Variants in KCNC2 observed in about 807,000 individuals in gnomAD.
KCNC2 encodes the protein potassium voltage-gated channel subfamily C member 2.
In KCNC2, 21 loss-of-function variants were observed where a neutral mutation model predicts 44.5. The ratio of observed to expected loss-of-function variants is 0.47; its 90% CI spans 0.33 to 0.68. The LOEUF is 0.68. KCNC2 is among the 30% of genes least tolerant of loss of function. KCNC2 has a pLI of 0.01. For synonymous variants in KCNC2, 391 were observed against 339.1 expected, an observed-to-expected ratio of 1.15 and a Z score of -1.68; for missense variants, 589 against 826.2, an observed-to-expected ratio of 0.71 and a Z score of 3.52.
intron 2 of KCNC2, among the ~76,000 whole-genome samples, chr12:75,202,189 C>T (rs1045676234): frequency 6.6e-6 from 1 of 151,802 alleles, no homozygotes; most frequent in Admixed American, 6.6e-5. Context: ...TACAAGTGAG[C>T]TCTTAGCAAA....
intron 2 of KCNC2, among the ~76,000 whole-genome samples, chr12:75,106,260 G>C (rs1020109820): frequency 6.6e-6 from 1 of 152,196 alleles, no homozygotes; most frequent in African/African-American, 2.4e-5. Flanking sequence ...TTAGAAACCA[G>C]AGAGTGGTGG....
chr12:75,122,248 A>G (rs1888096957), intron 2 of KCNC2, among the ~76,000 whole-genome samples: 2 of 152,208 alleles, frequency 1.3e-5, no homozygotes, highest in Admixed American at 1.3e-4. Context: ...TGTACCAGGC[A>G]TGACAGGAGG....
intron 2 of KCNC2, among the ~76,000 whole-genome samples, chr12:75,183,480 A>G (rs748161816): frequency 6.6e-6 from 1 of 152,252 alleles, no homozygotes; most frequent in Non-Finnish European, 1.5e-5. Flanking sequence ...AAACAAAATT[A>G]TCAACCATAT....
At chr12:75,099,608 T>C (rs984251314) in intron 2 of KCNC2, among the ~76,000 whole-genome samples, 14 of 152,168 alleles carry the variant, frequency 9.2e-5, no homozygotes, top group Admixed American at 3.9e-4. Context: ...CAATACTGAT[T>C]CAATCTTATG....
chr12:75,101,524 C>T (rs1029310463), intron 2 of KCNC2, among the ~76,000 whole-genome samples: 4 of 152,044 alleles, frequency 2.6e-5, no homozygotes, highest in Admixed American at 2.6e-4. Flanking sequence ...AGTGCAAGAG[C>T]ATAAAGAAAC....
intron 2 of KCNC2, among the ~76,000 whole-genome samples, chr12:75,206,657 T>C (rs1469490932): frequency 6.6e-6 from 1 of 152,184 alleles, no homozygotes; most frequent in Non-Finnish European, 1.5e-5. Flanking sequence ...GTAAGTGGGC[T>C]CTCTGGTCAA....
chr12:75,132,483 T>C (rs1888923535), intron 2 of KCNC2, among the ~76,000 whole-genome samples: 2 of 152,286 alleles, frequency 1.3e-5, no homozygotes, highest in African/African-American at 4.8e-5. Context: ...TATTTTTGTA[T>C]GCTTGACAAT....
intron 2 of KCNC2, among the ~76,000 whole-genome samples, chr12:75,120,073 T>G (rs1350321744): frequency 1.3e-5 from 2 of 152,206 alleles, no homozygotes; most frequent in Admixed American, 6.5e-5. Context: ...AGACTGGGGA[T>G]TCAAATGCAA....
intron 2 of KCNC2, among the ~76,000 whole-genome samples, chr12:75,130,277 G>T (rs1429029568): frequency 6.6e-6 from 1 of 151,946 alleles, no homozygotes; most frequent in Non-Finnish European, 1.5e-5. Flanking sequence ...CCTCCATTAG[G>T]TCTGTCTCCT....
At chr12:75,079,146 A>C (rs549134502) in intron 2 of KCNC2, among the ~76,000 whole-genome samples, 1 of 152,212 alleles carries the variant, frequency 6.6e-6, no homozygotes, top group East Asian at 1.9e-4. Context: ...TTAGAAGAAA[A>C]TTTTGTGGTG....
At position 75,040,995 on chromosome 12, in the gene KCNC2, C is replaced by G; in HGVS notation, c.*2110G>C. 3 of 824,688 alleles carry G rather than the reference C, an allele frequency of 3.6e-6. No homozygotes were observed. The highest frequency in any genetic ancestry group is 3.0e-5 in the South Asian group (2 of 67,762). The allele number at this position is 824,688 out of a possible 1,614,324, so 51.1% of individuals were successfully genotyped here. ...CACTGGCCAGTCTACAAGCAGAGCA[C>G]TCTCATGGGGAGCACCAGATGAGTT... On this transcript the variant is annotated 3_prime_UTR_variant, in exon 5 of 5. Transcript: ENST00000549446.
intron 2 of KCNC2, among the ~76,000 whole-genome samples, chr12:75,156,676 C>T (rs548379903): frequency 6.6e-6 from 1 of 151,884 alleles, no homozygotes; most frequent in East Asian, 1.9e-4. Flanking sequence ...CTATCTAAAG[C>T]ACTTAACCTA....
rs1880747027 is a variant in KCNC2 at position 75,048,194 on chromosome 12, G to A, written c.1739C>T (p.Thr580Ile). The A allele has an allele frequency of 1.2e-6, 2 of 1,612,918 alleles. No homozygotes were observed. The highest frequency in any genetic ancestry group is 1.7e-6 in the Non-Finnish European group (2 of 1,179,360). The change falls in exon 4 of 5, where the codon ACA becomes ATA. Residue 580 changes from threonine to isoleucine, a missense_variant. Coordinates refer to ENST00000549446, the MANE Select transcript of KCNC2 (RefSeq NM_139137.4). ...RRGETCFLLT[T>I]GDYTCASDGG... Reference sequence around the variant, plus strand: ...ATCAGAAGCACACGTGTAATCACCTGTCGTCAGTAGGAAACATGTTTCCCC... The same window carrying A: ...ATCAGAAGCACACGTGTAATCACCTATCGTCAGTAGGAAACATGTTTCCCC...
Position 75,114,016 on chromosome 12 carries a change from A to AT in KCNC2, c.688-62700dup, listed in dbSNP as rs1471990947. ...CATATATACACACACACACATTGTT[A>AT]TTGAAAGTTTAATGTCATAGACCAT... On this transcript the variant is annotated intron_variant, in intron 2 of 4. Transcript: ENST00000549446. Among the ~76,000 whole-genome samples the AT allele has an allele frequency of 5.3e-5, 8 of 152,354 alleles. No homozygotes were observed. In the South Asian group the frequency reaches 1.4e-3, roughly 28 times the overall value.
Position 75,042,404 on chromosome 12 carries a change from A to C in KCNC2, c.*701T>G. ...GTGCAAACAACCAGAGACATTCAGA[A>C]CTCCAATACAGCATTTTTGAAGAAA... On this transcript the variant is annotated 3_prime_UTR_variant, in exon 5 of 5. Transcript: ENST00000549446. 1 of 1,600,292 alleles carries C rather than the reference A, an allele frequency of 6.2e-7. No homozygotes were observed. The highest frequency in any genetic ancestry group is 8.5e-7 in the Non-Finnish European group (1 of 1,172,848).
At chr12:75,078,757 G>A (rs1034305392) in intron 2 of KCNC2, among the ~76,000 whole-genome samples, 37 of 152,122 alleles carry the variant, frequency 2.4e-4, no homozygotes, top group African/African-American at 7.5e-4. Context: ...GTGAATTTGA[G>A]AAGGAAAATA....
At chr12:75,098,545 G>A (rs930994151) in intron 2 of KCNC2, among the ~76,000 whole-genome samples, 10 of 152,060 alleles carry the variant, frequency 6.6e-5, no homozygotes, top group Non-Finnish European at 1.2e-4. Context: ...GATCACCTTA[G>A]GTCAGGAGTT....
chr12:75,191,522 T>C (rs1408963907), intron 2 of KCNC2, among the ~76,000 whole-genome samples: 1 of 49,702 alleles, frequency 2.0e-5, no homozygotes, highest in Non-Finnish European at 3.6e-5. Context: ...ATTATTATTA[T>C]TATTATTTTT....
intron 2 of KCNC2, among the ~76,000 whole-genome samples, chr12:75,158,129 T>C (rs1890882842): frequency 6.6e-6 from 1 of 151,966 alleles, no homozygotes; most frequent in East Asian, 1.9e-4. Flanking sequence ...GCATTTAGTA[T>C]TGATAAATTC....
Sources: gnomAD v4.1 joint callset for allele counts (sites outside exome capture counted in the v4.1 genomes callset) on GRCh38, gnomAD v4.1.1 for gene constraint, MANE v1.5 for transcripts, NCBI Gene and HGNC (gene_info 2026-07-23, HGNC 2026-07-21) for gene names.